SPICE1: variants seen among roughly 807,000 people sequenced by gnomAD.
The protein encoded by SPICE1 is spindle and centriole-associated protein 1.
In SPICE1, 75 loss-of-function variants were observed where a neutral mutation model predicts 102.7. The observed-to-expected ratio is 0.73, with a 90% confidence interval of 0.61 to 0.88. The LOEUF is 0.88. Among genes scored for constraint, SPICE1 ranks in the 40% least tolerant of loss-of-function variants. SPICE1 has a pLI of 0.00. For synonymous variants in SPICE1, 308 were observed against 350.3 expected, an observed-to-expected ratio of 0.88 and a Z score of 1.35; for missense variants, 979 against 1,020.1, an observed-to-expected ratio of 0.96 and a Z score of 0.55.
At chr3:113,492,778 G>A (rs1394023691) in intron 6 of SPICE1, among the ~76,000 whole-genome samples, 1 of 152,104 alleles carries the variant, frequency 6.6e-6, no homozygotes, top group Admixed American at 6.6e-5. Context: ...ATCAGCTCAA[G>A]AACAAACAGC....
chr3:113,478,563 C>A (rs1262748147), intron 7 of SPICE1, among the ~76,000 whole-genome samples: 1 of 151,982 alleles, frequency 6.6e-6, no homozygotes, highest in African/African-American at 2.4e-5. Flanking sequence ...CCAAAAAACA[C>A]AAGAATCACT....
chr3:113,472,187 C>T (rs1351448749), intron 7 of SPICE1, among the ~76,000 whole-genome samples: 1 of 152,220 alleles, frequency 6.6e-6, no homozygotes, highest in Non-Finnish European at 1.5e-5. Flanking sequence ...ATTGCTAGCA[C>T]AGCAGTCTGA....
At chr3:113,472,547 G>C (rs1021981783) in intron 7 of SPICE1, among the ~76,000 whole-genome samples, 21 of 152,204 alleles carry the variant, frequency 1.4e-4, no homozygotes, top group Admixed American at 5.2e-4. Flanking sequence ...AGTAGGGGCA[G>C]ACTGACACCT....
At chr3:113,458,910 G>A (rs1158443869) in intron 12 of SPICE1, among the ~76,000 whole-genome samples, 1 of 152,184 alleles carries the variant, frequency 6.6e-6, no homozygotes. Context: ...CACCCCGTCT[G>A]GGAGGTGTAC....
intron 2 of SPICE1, among the ~76,000 whole-genome samples, chr3:113,503,931 TAAAAAAAA>T (rs34217669): frequency 5.2e-5 from 5 of 95,500 alleles, no homozygotes; most frequent in Non-Finnish European, 8.3e-5. Flanking sequence ...AGTTTCTATC[TAAAAAAAA>T]AAAAAAAAAA....
chr3:113,503,159 A>T (rs768983934), intron 3 of SPICE1, 21 bp downstream of exon 3: 1 of 1,604,770 alleles, frequency 6.2e-7, no homozygotes, highest in East Asian at 2.3e-5. Context: ...TAAATGACTT[A>T]AGTTTTGATA....
In SPICE1 at chr3:113,465,664, C is replaced by T. The variant is rs140092211; in HGVS notation, c.1276G>A (p.Ala426Thr). ...TCTCATCTGAGTACCTGTGTAGCAG[C>T]GTTTTCTTCTCTAAGACGAAGAATT... is the stretch of plus-strand genomic sequence containing the variant. ...AEILRLREEN[A>T]ATQARLQQYM... The change falls in exon 11 of 18, where the codon GCT becomes ACT. Residue 426 changes from alanine (A) to threonine (T), a missense_variant. Physicochemically the swap from Ala to Thr is moderately conservative, Grantham distance 58 (BLOSUM62 0). Transcript: ENST00000295872. 28 of 1,613,286 alleles carry T rather than the reference C, an allele frequency of 1.7e-5. No individual in the cohort carries two copies. Among genetic ancestry groups the T allele is most frequent in the Admixed American group, 6.7e-5 (4 of 59,850 alleles).
intron 1 of SPICE1, among the ~76,000 whole-genome samples, chr3:113,507,923 A>G (rs1338255119): frequency 2.0e-5 from 3 of 152,210 alleles, no homozygotes; most frequent in Admixed American, 6.5e-5. Context: ...TAGCAGAGCC[A>G]TAAGTACCAT....
chr3:113,457,541 G>C (rs1935807826), intron 12 of SPICE1, among the ~76,000 whole-genome samples, 184 bp from the exon 13 acceptor site: 1 of 152,158 alleles, frequency 6.6e-6, no homozygotes, highest in African/African-American at 2.4e-5. Context: ...AGGCTCCTGG[G>C]GGGCTAGTAC....
chr3:113,447,999 G>C, intron 16 of SPICE1, 39 bp downstream of exon 16: 7 of 1,486,482 alleles, frequency 4.7e-6, no homozygotes, highest in Non-Finnish European at 6.4e-6. Flanking sequence ...AATTCTTTTT[G>C]ATTTTTTTTT....
intron 1 of SPICE1, among the ~76,000 whole-genome samples, chr3:113,513,452 T>C (rs1559980375): frequency 6.6e-6 from 1 of 151,790 alleles, no homozygotes; most frequent in Non-Finnish European, 1.5e-5. Flanking sequence ...CACCAAATGC[T>C]CATTTCTAAC....
At position 113,493,984 on chromosome 3, in the gene SPICE1, C is replaced by A. The variant is rs533520441; in HGVS notation, c.385+65G>T. The A allele has an allele frequency of 7.1e-6, 8 of 1,119,512 alleles. No homozygotes were observed. The East Asian group carries it at 1.2e-4, about 17-fold the overall frequency. 69.3% of individuals were successfully genotyped at this position (1,119,512 alleles called of 1,614,324 possible). On this transcript the variant is annotated intron_variant, in intron 5 of 17. Transcript: ENST00000295872. Reference sequence around the variant, plus strand: ...GATGCCTAAGAAAGGACTTTAAATTCTTCCAAATAGTCAACTGTGGGCTAC... The same window carrying A: ...GATGCCTAAGAAAGGACTTTAAATTATTCCAAATAGTCAACTGTGGGCTAC...
At position 113,468,310 on chromosome 3, in the gene SPICE1, A is replaced by G; in HGVS notation, c.984T>C (p.Asn328=). Residue 328 remains asparagine, a synonymous_variant, in exon 10 of 18, where the codon AAT becomes AAC. Transcript: ENST00000295872. The part of the protein sequence containing the change: ...TTSADLPNRT[N]SNLDVLKHMI... ...TGTGTTTGAGGACATCCAGGTTGGA[A>G]TTAGTCCTATTTGGTAAGTCTGCAG... 1.2e-6 allele frequency: 2 copies of G among 1,614,162 alleles called. No individual in the cohort carries two copies. Among genetic ancestry groups the G allele is most frequent in the Non-Finnish European group, 1.7e-6 (2 of 1,180,040 alleles).
chr3:113,466,477 G>C (rs1170606409), intron 10 of SPICE1, among the ~76,000 whole-genome samples: 1 of 152,036 alleles, frequency 6.6e-6, no homozygotes, highest in Admixed American at 6.6e-5. Flanking sequence ...GGGCGTGGTG[G>C]TGCACGCCTG....
chr3:113,488,102 A>ATT lies in SPICE1; in HGVS notation c.611+842_611+843insAA, dbSNP rs1936685505. Among the ~76,000 whole-genome samples the ATT allele has an allele frequency of 5.3e-5, 8 of 151,276 alleles. 1 individual carries two copies. In the East Asian group the frequency reaches 1.2e-3, roughly 23 times the overall value. ...TAGTTCTTCAATCATCCAAAAAACAAAATAAACATTACTGTGACAACTGGA... is the reference window on the plus strand; with the variant it reads ...TAGTTCTTCAATCATCCAAAAAACAATTAATAAACATTACTGTGACAACTGGA... On this transcript the variant is annotated intron_variant, in intron 7 of 17. Coordinates refer to ENST00000295872, the MANE Select transcript of SPICE1 (RefSeq NM_144718.4).
chr3:113,467,925 T>C (rs1576629163), intron 10 of SPICE1, among the ~76,000 whole-genome samples: 1 of 152,342 alleles, frequency 6.6e-6, no homozygotes, highest in Non-Finnish European at 1.5e-5. Flanking sequence ...AAGCTCTTAT[T>C]AAAATTAAAA....
intron 14 of SPICE1, among the ~76,000 whole-genome samples, chr3:113,452,411 C>A (rs1054400967): frequency 3.3e-4 from 51 of 152,346 alleles, no homozygotes; most frequent in Middle Eastern, 3.4e-3. Context: ...TGGCCAGATG[C>A]AGTGGCTCAT....
chr3:113,458,009 T>C (rs976773369), intron 12 of SPICE1, among the ~76,000 whole-genome samples: 28 of 152,312 alleles, frequency 1.8e-4, no homozygotes, highest in African/African-American at 6.0e-4. Flanking sequence ...TCACAGGTCA[T>C]GCATTATCAC....
intron 1 of SPICE1, among the ~76,000 whole-genome samples, chr3:113,513,122 A>AAAC (rs1251388230): frequency 6.6e-6 from 1 of 152,152 alleles, no homozygotes; most frequent in Non-Finnish European, 1.5e-5. Context: ...CCTTTCCTCA[A>AAAC]AACTTCAAAC....
Sources: gnomAD v4.1 joint callset for allele counts (sites outside exome capture counted in the v4.1 genomes callset) on GRCh38, gnomAD v4.1.1 for gene constraint, MANE v1.5 for transcripts, NCBI Gene and HGNC (gene_info 2026-07-23, HGNC 2026-07-21) for gene names.